Variants in INSYN2B observed in about 807,000 individuals in gnomAD.
The protein encoded by INSYN2B is protein INSYN2B.
In INSYN2B, 16 loss-of-function variants were observed where a neutral mutation model predicts 41.2. The observed-to-expected ratio is 0.39, with a 90% CI of 0.26 to 0.59. INSYN2B has a LOEUF of 0.59. INSYN2B is among the 20% of genes least tolerant of loss of function. INSYN2B has a pLI of 0.57. For synonymous variants in INSYN2B, 245 were observed against 244.4 expected (o/e 1.00, Z -0.02); for missense variants, 608 against 646.4 (o/e 0.94, Z 0.64).
intron 1 of INSYN2B, among the ~76,000 whole-genome samples, chr5:169,953,131 G>A (rs1461793978): frequency 2.0e-5 from 3 of 152,156 alleles, no homozygotes; most frequent in East Asian, 1.9e-4. Context: ...AGACCAGCCT[G>A]GCCAACATGG....
At chr5:169,879,802 G>A (rs941874628) in intron 3 of INSYN2B, among the ~76,000 whole-genome samples, 1 of 152,168 alleles carries the variant, frequency 6.6e-6, no homozygotes, top group African/African-American at 2.4e-5. Flanking sequence ...AAAATGATTT[G>A]CCCAAGGCGA....
At position 169,865,626 on chromosome 5, in the gene INSYN2B, G is replaced by A. The variant is rs58344864; in HGVS notation, c.1422-1167C>T. On this transcript the variant is annotated intron_variant, in intron 3 of 3. Coordinates refer to ENST00000377365, the MANE Select transcript of INSYN2B (RefSeq NM_001129891.3). ...AGAAAGCTCTTAAGCTTTTTGATGT[G>A]TTTGTTACCTGGTTTCATACCAGGG... Among the ~76,000 whole-genome samples the A allele has an allele frequency of 5.4e-4, 82 of 152,338 alleles. No homozygotes were observed. In the East Asian group the frequency reaches 0.015, roughly 28 times the overall value.
At position 169,936,578 on chromosome 5, in the gene INSYN2B, CTT is replaced by C. The variant is rs4041977; in HGVS notation, c.-919+43697_-919+43698del. Among the ~76,000 whole-genome samples, 133 of 122,796 alleles carry C rather than the reference CTT, an allele frequency of 1.1e-3. 2 individuals carry two copies. The South Asian group carries it at 0.013, about 12-fold the overall frequency. 80.6% of individuals were successfully genotyped at this position (122,796 alleles called of 152,430 possible). Reference sequence around the variant, plus strand: ...AGAATCATTGGTGATTCTCAGACTCCTTTTTTTTTTTTTTTTTTTTTATGAAT... The same window carrying C: ...AGAATCATTGGTGATTCTCAGACTCCTTTTTTTTTTTTTTTTTTTATGAAT... On this transcript the variant is annotated intron_variant, in intron 1 of 3. Coordinates refer to ENST00000377365, the MANE Select transcript of INSYN2B (RefSeq NM_001129891.3).
intron 1 of INSYN2B, among the ~76,000 whole-genome samples, chr5:169,885,501 C>A (rs573754798): frequency 6.6e-6 from 1 of 152,312 alleles, no homozygotes; most frequent in African/African-American, 2.4e-5. Flanking sequence ...TATTTAAGGA[C>A]AAAATTCTCC....
chr5:169,892,652 G>A (rs761316950), intron 1 of INSYN2B, among the ~76,000 whole-genome samples: 1 of 152,058 alleles, frequency 6.6e-6, no homozygotes, highest in Non-Finnish European at 1.5e-5. Flanking sequence ...AGACACCCAG[G>A]GAGATATGAC....
chr5:169,929,479 G>A (rs1775637098), intron 1 of INSYN2B, among the ~76,000 whole-genome samples: 1 of 152,106 alleles, frequency 6.6e-6, no homozygotes, highest in African/African-American at 2.4e-5. Context: ...GCTTATGCCT[G>A]TCATCCCAGC....
intron 1 of INSYN2B, among the ~76,000 whole-genome samples, chr5:169,922,501 C>T (rs1561826249): frequency 2.0e-5 from 3 of 152,162 alleles, no homozygotes; most frequent in East Asian, 3.8e-4. Context: ...ATTTAATTAT[C>T]TAAGTAAAGT....
chr5:169,966,821 T>C (rs1385641794), intron 1 of INSYN2B, among the ~76,000 whole-genome samples: 2 of 152,244 alleles, frequency 1.3e-5, no homozygotes, highest in Non-Finnish European at 2.9e-5. Flanking sequence ...CCAGCCATCA[T>C]GCAATGAGGA....
intron 1 of INSYN2B, among the ~76,000 whole-genome samples, chr5:169,963,878 T>C (rs1170370844): frequency 6.6e-6 from 1 of 152,100 alleles, no homozygotes; most frequent in Non-Finnish European, 1.5e-5. Context: ...GATGCTCTAA[T>C]TCAGTGGGTG....
chr5:169,905,286 A>G (rs1324274385), intron 1 of INSYN2B, among the ~76,000 whole-genome samples: 2 of 95,740 alleles, frequency 2.1e-5, no homozygotes, highest in East Asian at 2.7e-4. Flanking sequence ...GTACTGTTAG[A>G]GCCAGTGTTT....
At chr5:169,879,595 G>A (rs1362097764) in intron 3 of INSYN2B, among the ~76,000 whole-genome samples, 1 of 152,116 alleles carries the variant, frequency 6.6e-6, no homozygotes, top group Non-Finnish European at 1.5e-5. Flanking sequence ...CCCAACCAGG[G>A]GTGTAACTTA....
intron 1 of INSYN2B, among the ~76,000 whole-genome samples, chr5:169,947,457 T>C (rs896704032): frequency 1.3e-5 from 2 of 152,156 alleles, no homozygotes; most frequent in African/African-American, 4.8e-5. Context: ...TAGCCCTGTT[T>C]TACAGATGGT....
intron 3 of INSYN2B, among the ~76,000 whole-genome samples, chr5:169,870,648 A>G (rs880608): frequency 0.35 from 52,777 of 151,864 alleles, 10,517 homozygotes; most frequent in Non-Finnish European, 0.44. Context: ...ACATGTGCAC[A>G]ATGTGCAGGT....
intron 1 of INSYN2B, among the ~76,000 whole-genome samples, chr5:169,911,063 A>G (rs1386706258): frequency 6.6e-6 from 1 of 152,202 alleles, no homozygotes; most frequent in Non-Finnish European, 1.5e-5. Context: ...ACTAGCAGGC[A>G]GCTGTTGTTC....
At chr5:169,938,910 CT>C (rs60068204) in intron 1 of INSYN2B, among the ~76,000 whole-genome samples, 23 of 141,202 alleles carry the variant, frequency 1.6e-4, no homozygotes, top group East Asian at 1.0e-3. Context: ...TTTTTCTTTT[CT>C]TTTTTTTTTT....
chr5:169,917,406 G>A (rs574975676), intron 1 of INSYN2B, among the ~76,000 whole-genome samples: 15 of 152,160 alleles, frequency 9.9e-5, no homozygotes, highest in Non-Finnish European at 2.2e-4. Flanking sequence ...AGTAAAAATA[G>A]GGATTCTAGA....
chr5:169,933,873 C>T (rs1045816145), intron 1 of INSYN2B, among the ~76,000 whole-genome samples: 4 of 152,168 alleles, frequency 2.6e-5, no homozygotes, highest in Non-Finnish European at 4.4e-5. Context: ...ATGAACAGAG[C>T]GTGCTCCAGG....
intron 1 of INSYN2B, among the ~76,000 whole-genome samples, chr5:169,953,492 TG>T (rs1177872503): frequency 6.6e-6 from 1 of 152,156 alleles, no homozygotes; most frequent in East Asian, 1.9e-4. Context: ...ATGGAGGTCT[TG>T]GGGATTGAAT....
rs180967482 is a variant in INSYN2B, at chr5:169,862,788, G to A, written c.*1485C>T. ...TATGACAGGGGAAGGTGAAACCATC[G>A]GAGTGGTTTGCTCAATTAGGCTCAA... On this transcript the variant is annotated 3_prime_UTR_variant, in exon 4 of 4. Transcript: ENST00000377365. Among the ~76,000 whole-genome samples the A allele has an allele frequency of 4.6e-5, 7 of 152,160 alleles. No homozygotes were observed. The highest frequency in any genetic ancestry group is 9.6e-5 in the African/African-American group (4 of 41,562).
Sources: gnomAD v4.1 joint callset for allele counts (sites outside exome capture counted in the v4.1 genomes callset) on GRCh38, gnomAD v4.1.1 for gene constraint, MANE v1.5 for transcripts, NCBI Gene and HGNC (gene_info 2026-07-23, HGNC 2026-07-21) for gene names.